Variants in MLLT3 observed in about 807,000 individuals in gnomAD.
MLLT3 encodes the protein MLLT3 super elongation complex subunit.
In MLLT3, 4 loss-of-function variants were observed where a neutral mutation model predicts 53.2. The observed-to-expected ratio is 0.08, with a 90% CI of 0.04 to 0.17. The LOEUF (loss-of-function observed/expected upper bound fraction) is 0.17, where lower values mean the gene tolerates loss of function less well. Among genes scored for constraint, MLLT3 ranks in the 10% least tolerant of loss-of-function variants. The pLI is 1.00. For synonymous variants in MLLT3, 283 were observed against 230.6 expected, an observed-to-expected ratio of 1.23 and a Z score of -2.06; for missense variants, 569 against 684.0, an observed-to-expected ratio of 0.83 and a Z score of 1.87.
chr9:20,622,345 A>G lies in MLLT3; in HGVS notation c.-89T>C. ...AGCTGTAATTCATGAAGAGGCTGCTATGAATGAGAGCGCGCCCAGGAGCGG... is the reference window on the plus strand; with the variant it reads ...AGCTGTAATTCATGAAGAGGCTGCTGTGAATGAGAGCGCGCCCAGGAGCGG... On this transcript the variant is annotated 5_prime_UTR_variant, in exon 1 of 11. Transcript: ENST00000380338. The G allele has an allele frequency of 7.9e-7, 1 of 1,259,630 alleles. No individual in the cohort carries two copies. Among genetic ancestry groups the G allele is most frequent in the Non-Finnish European group, 1.1e-6 (1 of 923,186 alleles). The allele number at this position is 1,259,630 out of a possible 1,614,324, so 78.0% of individuals were successfully genotyped here. A position where few individuals can be genotyped will look rare whatever the true frequency, so the allele number is the denominator to read the frequency against.
chr9:20,376,808 T>C (rs1397567000), intron 5 of MLLT3, among the ~76,000 whole-genome samples: 1 of 152,180 alleles, frequency 6.6e-6, no homozygotes, highest in Non-Finnish European at 1.5e-5. Context: ...TTTCAAAAAA[T>C]CCAGTTGTTG....
At chr9:20,451,116 T>A (rs1313983344) in intron 3 of MLLT3, among the ~76,000 whole-genome samples, 1 of 152,148 alleles carries the variant, frequency 6.6e-6, no homozygotes, top group African/African-American at 2.4e-5. Context: ...AATACTGACT[T>A]TGAAAGGCAT....
chr9:20,583,277 C>T (rs776312493), intron 2 of MLLT3, among the ~76,000 whole-genome samples: 1 of 152,150 alleles, frequency 6.6e-6, no homozygotes, highest in Admixed American at 6.5e-5. Context: ...CAACTCTGCC[C>T]CTGTGGCTTT....
At chr9:20,573,019 TAG>T (rs1326086817) in intron 2 of MLLT3, among the ~76,000 whole-genome samples, 1 of 152,180 alleles carries the variant, frequency 6.6e-6, no homozygotes, top group African/African-American at 2.4e-5. Context: ...GATTACTGAC[TAG>T]GAGACTTAAT....
chr9:20,481,057 C>A (rs2118904727), intron 2 of MLLT3, among the ~76,000 whole-genome samples: 1 of 152,196 alleles, frequency 6.6e-6, no homozygotes, highest in East Asian at 1.9e-4. Context: ...CTAAAACTAG[C>A]CTTAAAAACT....
chr9:20,488,252 G>C (rs1227696467), intron 2 of MLLT3, among the ~76,000 whole-genome samples: 1 of 151,980 alleles, frequency 6.6e-6, no homozygotes, highest in Non-Finnish European at 1.5e-5. Flanking sequence ...CTTCCAGCTT[G>C]GGGTAACAAA....
At chr9:20,507,539 C>T (rs1354540901) in intron 2 of MLLT3, among the ~76,000 whole-genome samples, 1 of 152,130 alleles carries the variant, frequency 6.6e-6, no homozygotes, top group African/African-American at 2.4e-5. Context: ...TTCCTCCTTT[C>T]TTCCCAAATC....
chr9:20,420,368 A>G (rs1486553950), intron 4 of MLLT3, among the ~76,000 whole-genome samples: 1 of 152,222 alleles, frequency 6.6e-6, no homozygotes, highest in Non-Finnish European at 1.5e-5. Context: ...AATACTTTAA[A>G]TCAATTGATT....
At chr9:20,520,343 C>T (rs759854223) in intron 2 of MLLT3, among the ~76,000 whole-genome samples, 67 of 151,542 alleles carry the variant, frequency 4.4e-4, no homozygotes, top group Non-Finnish European at 8.4e-4. Context: ...GACCCCTGAA[C>T]TTAAAAGTCA....
chr9:20,586,628 C>G (rs1346076207), intron 2 of MLLT3, among the ~76,000 whole-genome samples: 2 of 151,376 alleles, frequency 1.3e-5, no homozygotes, highest in East Asian at 1.9e-4. Flanking sequence ...ATTATTCAAA[C>G]TATGGCAGGT....
At position 20,579,974 on chromosome 9, in the gene MLLT3, T is replaced by C. The variant is rs141933477; in HGVS notation, c.193+40680A>G. ...GACTAATTAAATCTCACCAGACTCGTGTGAGGTAAATAGGGAGCAGTGAGG... is the reference window on the plus strand; with the variant it reads ...GACTAATTAAATCTCACCAGACTCGCGTGAGGTAAATAGGGAGCAGTGAGG... On this transcript the variant is annotated intron_variant, in intron 2 of 10. Transcript: ENST00000380338. Among the ~76,000 whole-genome samples, 1,359 of 152,268 alleles carry C rather than the reference T, an allele frequency of 8.9e-3. 20 individuals are homozygous for C. The highest frequency in any genetic ancestry group is 0.011 in the Non-Finnish European group (777 of 68,024).
At chr9:20,457,006 A>T (rs770990842) in intron 2 of MLLT3, among the ~76,000 whole-genome samples, 16 of 152,132 alleles carry the variant, frequency 1.1e-4, no homozygotes, top group Non-Finnish European at 1.8e-4. Flanking sequence ...TCATTTATTC[A>T]AATCTTGGTG....
chr9:20,507,754 A>AAAC (rs1449192941), intron 2 of MLLT3, among the ~76,000 whole-genome samples: 3 of 151,602 alleles, frequency 2.0e-5, no homozygotes, highest in African/African-American at 7.3e-5. Flanking sequence ...AAAAAAAAAA[A>AAAC]AAAAACAAAT....
At chr9:20,542,236 ATATT>A (rs760666822) in intron 2 of MLLT3, among the ~76,000 whole-genome samples, 2,961 of 136,746 alleles carry the variant, frequency 0.022, 90 homozygotes, top group South Asian at 0.028. Context: ...ATGAGCAGTA[ATATT>A]TTTTTTTTTT....
rs1232288661 is a variant in MLLT3 at position 20,354,823 on chromosome 9, A to G, written c.1488T>C (p.Asn496=). The G allele has an allele frequency of 2.5e-6, 4 of 1,611,328 alleles. No homozygotes were observed. Among genetic ancestry groups the G allele is most frequent in the Non-Finnish European group, 3.4e-6 (4 of 1,177,824 alleles). The part of the protein sequence containing the change: ...KQSKSDKQIK[N]GECDKAYLDE... ...AGAAACCTACCTTGTCACATTCACC[A>G]TTCTTTATTTGCTTATCTGATTTGC... is the stretch of plus-strand genomic sequence containing the variant. The change falls in exon 9 of 11, where the codon AAT becomes AAC. Residue 496 remains asparagine (N), a synonymous_variant. Transcript: ENST00000380338.
At chr9:20,605,717 T>C (rs1251521746) in intron 2 of MLLT3, among the ~76,000 whole-genome samples, 2 of 152,110 alleles carry the variant, frequency 1.3e-5, no homozygotes, top group African/African-American at 4.8e-5. Flanking sequence ...GATTTTAAGC[T>C]AGTATAACAT....
At chr9:20,382,945 T>C (rs1821940860) in intron 5 of MLLT3, among the ~76,000 whole-genome samples, 1 of 151,850 alleles carries the variant, frequency 6.6e-6, no homozygotes, top group South Asian at 2.1e-4. Flanking sequence ...TAGCACACAC[T>C]CCTATTCTGT....
In MLLT3 at chr9:20,343,183, CAAAA is replaced by C. The variant is rs71334526; in HGVS notation, c.*3256_*3259del. The C allele has an allele frequency of 2.5e-3, 99 of 40,342 alleles. 1 individual carries two copies. Among genetic ancestry groups the C allele is most frequent in the African/African-American group, 8.9e-3 (70 of 7,826 alleles). The allele number at this position is 40,342 out of a possible 1,614,324, so 2.5% of individuals were successfully genotyped here. ...TAGGTGGGCCTGTAAAAGATATCGG[CAAAA>C]AAAAAAAAAAAAAAAAAAAAAAAAA... is the stretch of plus-strand genomic sequence containing the variant. On this transcript the variant is annotated 3_prime_UTR_variant, in exon 11 of 11. Coordinates refer to ENST00000380338, the MANE Select transcript of MLLT3 (RefSeq NM_004529.4).
chr9:20,461,620 AT>A (rs961217912), intron 2 of MLLT3, among the ~76,000 whole-genome samples: 28 of 151,882 alleles, frequency 1.8e-4, no homozygotes, highest in Admixed American at 1.6e-3. Flanking sequence ...AATAGGAACT[AT>A]TTTTTTAGCA....
Sources: gnomAD v4.1 joint callset for allele counts (sites outside exome capture counted in the v4.1 genomes callset) on GRCh38, gnomAD v4.1.1 for gene constraint, MANE v1.5 for transcripts, NCBI Gene and HGNC (gene_info 2026-07-23, HGNC 2026-07-21) for gene names.